Variants in CRIPTO observed in about 807,000 individuals in gnomAD.
CRIPTO encodes cripto, EGF-CFC family member, also known as protein Cripto.
chr3:46,579,065 G>T, the CRIPTO span: 1 of 1,613,318 alleles, frequency 6.2e-7, no homozygotes, highest in Non-Finnish European at 8.5e-7. Context: ...CCTTTGTTTG[G>T]CTAACTCATG....
the CRIPTO span, chr3:46,580,113 T>TG: frequency 5.0e-6 from 8 of 1,612,802 alleles, no homozygotes; most frequent in Non-Finnish European, 6.8e-6. Flanking sequence ...GTAGTTGCCT[T>TG]GGGGGGTGCT....
chr3:46,576,900 A>C, the CRIPTO span, among the ~76,000 whole-genome samples: 1 of 151,774 alleles, frequency 6.6e-6, no homozygotes, highest in Non-Finnish European at 1.5e-5. Context: ...TTACCCCTGC[A>C]AGCGGCACAT....
chr3:46,577,512 G>T, the CRIPTO span: 1 of 180,724 alleles, frequency 5.5e-6, no homozygotes, highest in African/African-American at 2.4e-5. Context: ...TCACCAACTT[G>T]ATTAGAGAAA....
the CRIPTO span, chr3:46,579,155 A>G: frequency 3.8e-5 from 61 of 1,613,984 alleles, no homozygotes; most frequent in Admixed American, 5.0e-4. Context: ...CCGGTGAGAG[A>G]CCTTTTGTTC....
At chr3:46,580,111 C>A in the CRIPTO span, 1 of 1,613,080 alleles carries the variant, frequency 6.2e-7, no homozygotes, top group African/African-American at 1.3e-5. Flanking sequence ...ACGTAGTTGC[C>A]TTGGGGGGTG....
the CRIPTO span, among the ~76,000 whole-genome samples, chr3:46,576,959 G>T: frequency 6.6e-6 from 1 of 152,098 alleles, no homozygotes; most frequent in African/African-American, 2.4e-5. Flanking sequence ...ACGGCGAGGG[G>T]CTGGAAGAGG....
the CRIPTO span, chr3:46,581,110 A>G: frequency 8.8e-6 from 14 of 1,584,486 alleles, no homozygotes; most frequent in Non-Finnish European, 1.0e-5. Context: ...TGCTTTAATG[A>G]CCAAGCATCC....
the CRIPTO span, among the ~76,000 whole-genome samples, chr3:46,575,978 C>T: frequency 6.6e-6 from 1 of 152,160 alleles, no homozygotes; most frequent in South Asian, 2.1e-4. Flanking sequence ...AGCTTCAGGC[C>T]ATGTTCCCCT....
At chr3:46,575,572 C>T in the CRIPTO span, among the ~76,000 whole-genome samples, 2 of 152,138 alleles carry the variant, frequency 1.3e-5, no homozygotes, top group South Asian at 2.1e-4. Context: ...GTTCTGGTCC[C>T]GTCAATGACA....
the CRIPTO span, chr3:46,581,128 C>T: frequency 6.2e-7 from 1 of 1,612,252 alleles, no homozygotes; most frequent in African/African-American, 1.3e-5. Flanking sequence ...TCCCTACCTT[C>T]CAGATGGCCT....
At chr3:46,579,930 G>A in the CRIPTO span, 6 of 1,614,164 alleles carry the variant, frequency 3.7e-6, no homozygotes, top group African/African-American at 1.3e-5. Context: ...CAAGGCTATC[G>A]CCTTACCTGT....
At chr3:46,581,328 T>C in the CRIPTO span, 3 of 1,075,282 alleles carry the variant, frequency 2.8e-6, no homozygotes, top group Non-Finnish European at 2.9e-6. Context: ...GCTGCTACAA[T>C]GTCCTAACTG....
chr3:46,582,238 A>G, the CRIPTO span: 1 of 152,204 alleles, frequency 6.6e-6, no homozygotes, highest in Non-Finnish European at 1.5e-5. Flanking sequence ...AAAAGAATGA[A>G]GCCTCCTTAG....
chr3:46,579,665 TAACC>T, the CRIPTO span: 6 of 1,484,360 alleles, frequency 4.0e-6, no homozygotes, highest in Admixed American at 1.0e-4. Flanking sequence ...GGTGTTGTAT[TAACC>T]TTCGCTTACA....
At chr3:46,576,362 G>A in the CRIPTO span, among the ~76,000 whole-genome samples, 1 of 151,632 alleles carries the variant, frequency 6.6e-6, no homozygotes, top group Non-Finnish European at 1.5e-5. Flanking sequence ...CAGCTACTCA[G>A]GAGGTTGAGG....
the CRIPTO span, chr3:46,581,944 C>A: frequency 6.5e-6 from 1 of 152,870 alleles, no homozygotes; most frequent in Non-Finnish European, 1.5e-5. Flanking sequence ...TAGAGTTGAT[C>A]AAAATCAATT....
the CRIPTO span, chr3:46,574,692 A>G: frequency 6.6e-6 from 1 of 152,230 alleles, no homozygotes; most frequent in Non-Finnish European, 1.5e-5. Flanking sequence ...ATTTAGTTCT[A>G]CGTGTTCTCA....
the CRIPTO span, chr3:46,581,298 T>C: frequency 1.1e-4 from 160 of 1,434,910 alleles, no homozygotes; most frequent in Non-Finnish European, 1.5e-4. Context: ...ATCATGCAAA[T>C]TTCATGACCA....
At chr3:46,576,235 C>G in the CRIPTO span, among the ~76,000 whole-genome samples, 2 of 151,958 alleles carry the variant, frequency 1.3e-5, no homozygotes, top group Non-Finnish European at 2.9e-5. Context: ...TTTGGGAGGC[C>G]GAGGCGGGTG....
Sources: allele counts gnomAD v4.1 joint callset (sites outside exome capture counted in the v4.1 genomes callset), GRCh38; gene constraint gnomAD v4.1.1; transcripts MANE v1.5; gene names NCBI Gene and HGNC (gene_info 2026-07-23, HGNC 2026-07-21).